The following CRISP2 variants were observed in gnomAD, a reference collection of about 807,000 sequenced individuals.
The protein encoded by CRISP2 is cysteine-rich secretory protein 2.
A neutral mutation model predicts 31.7 loss-of-function variants in CRISP2; 29 were observed. The observed-to-expected ratio is 0.92, with a 90% CI of 0.68 to 1.25. CRISP2 has a LOEUF of 1.25. Among genes scored for constraint, CRISP2 ranks in the 50% most tolerant of loss-of-function variants. The pLI is 0.00. For synonymous variants in CRISP2, 111 were observed against 101.4 expected (o/e 1.09, Z -0.57); for missense variants, 318 against 286.5 (o/e 1.11, Z -0.79).
intron 3 of CRISP2, among the ~76,000 whole-genome samples, chr6:49,711,004 G>A (rs687777): frequency 0.17 from 25,970 of 151,702 alleles, 2,826 homozygotes; most frequent in African/African-American, 0.32. Context: ...AATTAGCTGG[G>A]CATGGTGGCA....
At chr6:49,689,408 G>A (rs1029746840), downstream of CRISP2, among the ~76,000 whole-genome samples, 3 of 151,594 alleles carry the variant, frequency 2.0e-5, no homozygotes, top group Admixed American at 1.3e-4. Context: ...CTATAAAATG[G>A]CACTGAGTTA....
chr6:49,710,214 AT>A (rs1258546319), intron 3 of CRISP2, among the ~76,000 whole-genome samples: 1 of 152,166 alleles, frequency 6.6e-6, no homozygotes, highest in East Asian at 1.9e-4. Context: ...TTTATGCTCA[AT>A]TATGTGCAAA....
chr6:49,702,709 T>A (rs541506088), intron 4 of CRISP2, among the ~76,000 whole-genome samples: 1 of 152,166 alleles, frequency 6.6e-6, no homozygotes, highest in South Asian at 2.1e-4. Flanking sequence ...AGTCCTTAGT[T>A]GGATAACTAG....
intron 3 of CRISP2, among the ~76,000 whole-genome samples, chr6:49,710,587 T>G (rs1305794755): frequency 6.6e-6 from 1 of 152,194 alleles, no homozygotes; most frequent in East Asian, 1.9e-4. Context: ...ATATGCCAGC[T>G]TATACAATAT....
intron 9 of CRISP2, among the ~76,000 whole-genome samples, chr6:49,695,432 C>T (rs1000032616): frequency 2.6e-5 from 4 of 152,198 alleles, no homozygotes; most frequent in African/African-American, 4.8e-5. Context: ...TAATATTTGG[C>T]GTGCCTGTCT....
At chr6:49,710,734 T>G (rs7769994) in intron 3 of CRISP2, among the ~76,000 whole-genome samples, 61,992 of 152,018 alleles carry the variant, frequency 0.41, 13,260 homozygotes, top group Admixed American at 0.56. Flanking sequence ...TCAAATTTTT[T>G]TGTGTGTGTG....
chr6:49,698,587 G>C, intron 6 of CRISP2, 80 bp from the exon 7 acceptor site: 1 of 1,461,128 alleles, frequency 6.8e-7, no homozygotes, highest in Non-Finnish European at 9.2e-7. Flanking sequence ...CAAAGATGTT[G>C]CCTTTCAAAC....
At position 49,695,931 on chromosome 6, in the gene CRISP2, T is replaced by G; in HGVS notation, c.516-7A>C. 6.3e-7 allele frequency: 1 copy of G among 1,585,646 alleles called. No individual in the cohort carries two copies. Among genetic ancestry groups the G allele is most frequent in the Non-Finnish European group, 8.6e-7 (1 of 1,156,658 alleles). On this transcript the variant is annotated splice_region_variant and splice_polypyrimidine_tract_variant and intron_variant, in intron 8 of 9. Transcript: ENST00000339139. ...TCTATTCATATTATTACCACTGAAA[T>G]TTGAAATACATGTCAAATATTTTTC...
intron 8 of CRISP2, 113 bp downstream of exon 8, chr6:49,697,747 T>C (rs1765009724): frequency 6.3e-7 from 1 of 1,579,458 alleles, no homozygotes; most frequent in Non-Finnish European, 8.6e-7. Context: ...TCCAAACGTT[T>C]ATCCCCTCCC....
chr6:49,687,897 C>T (rs558036226), downstream of CRISP2, among the ~76,000 whole-genome samples: 6 of 152,280 alleles, frequency 3.9e-5, no homozygotes, highest in African/African-American at 1.4e-4. Context: ...TCCCCTGATG[C>T]AGCAGAGGCC....
chr6:49,686,743 C>T, the CRISP2 span, among the ~76,000 whole-genome samples: 2 of 152,176 alleles, frequency 1.3e-5, no homozygotes, highest in Admixed American at 1.3e-4. Context: ...ACTATAAAGA[C>T]ACATGCACAC....
At chr6:49,710,221 GC>G (rs1767769375) in intron 3 of CRISP2, among the ~76,000 whole-genome samples, 1 of 151,938 alleles carries the variant, frequency 6.6e-6, no homozygotes, top group Non-Finnish European at 1.5e-5. Context: ...TCAATTATGT[GC>G]AAAAAAGGGA....
intron 4 of CRISP2, among the ~76,000 whole-genome samples, chr6:49,701,775 G>T (rs1184233599): frequency 9.9e-6 from 1 of 100,622 alleles, no homozygotes; most frequent in African/African-American, 4.0e-5. Flanking sequence ...ATATATGTAT[G>T]CATTATATAT....
chr6:49,683,809 C>T, the CRISP2 span, among the ~76,000 whole-genome samples: 1 of 144,348 alleles, frequency 6.9e-6, no homozygotes, highest in East Asian at 2.0e-4. Context: ...TTAAATGTCA[C>T]ATTGTCAAAA....
intron 1 of CRISP2, 143 bp from the exon 2 acceptor site, chr6:49,712,747 AG>A (rs1768253743): frequency 6.6e-6 from 1 of 152,198 alleles, no homozygotes; most frequent in Admixed American, 6.5e-5. Context: ...ATTTGATTTC[AG>A]CGTTAAGACC....
Position 49,701,498 on chromosome 6 carries a change from GTGTATATATATATATATATA to G in CRISP2, c.67-734_67-715del, listed in dbSNP as rs1184306938. On this transcript the variant is annotated intron_variant, in intron 4 of 9. Transcript: ENST00000339139. ...TGAGCAGTATTACGTGTGTGTGTGTGTGTATATATATATATATATATATATATACACACACACACACACAC... is the reference window on the plus strand; with the variant it reads ...TGAGCAGTATTACGTGTGTGTGTGTGTATATATACACACACACACACACAC... Among the ~76,000 whole-genome samples the G allele has an allele frequency of 2.4e-4, 15 of 62,076 alleles. 1 individual carries two copies. The highest frequency in any genetic ancestry group is 2.3e-3 in the Admixed American group (13 of 5,532). 40.7% of individuals were successfully genotyped at this position (62,076 alleles called of 152,430 possible). A position where few individuals can be genotyped will look rare whatever the true frequency, so the allele number is the denominator to read the frequency against.
downstream of CRISP2, among the ~76,000 whole-genome samples, chr6:49,688,627 T>C (rs1177854448): frequency 6.6e-6 from 1 of 152,146 alleles, no homozygotes; most frequent in Non-Finnish European, 1.5e-5. Flanking sequence ...TGCCTCTAAA[T>C]TTTGTAGAAA....
At chr6:49,693,115 T>A (rs972235120) in intron 9 of CRISP2, among the ~76,000 whole-genome samples, 3 of 152,166 alleles carry the variant, frequency 2.0e-5, no homozygotes, top group African/African-American at 7.2e-5. Context: ...CAGGGACATA[T>A]GAGGTGTCTT....
Position 49,701,698 on chromosome 6 carries a change from CATTATGTATACATATATAATGT to C in CRISP2, c.67-936_67-915del, listed in dbSNP as rs1321705847. On this transcript the variant is annotated intron_variant, in intron 4 of 9. Coordinates refer to ENST00000339139, the MANE Select transcript of CRISP2 (RefSeq NM_003296.4). ...TATATGTATACATTATATATGTATA[CATTATGTATACATATATAATGT>C]ATATATAATGTATATATACACGGTA... is the stretch of plus-strand genomic sequence containing the variant. Among the ~76,000 whole-genome samples, 99 of 96,110 alleles carry C rather than the reference CATTATGTATACATATATAATGT, an allele frequency of 1.0e-3. 3 individuals carry two copies. Among genetic ancestry groups the C allele is most frequent in the African/African-American group, 4.9e-3 (98 of 20,172 alleles). The allele number at this position is 96,110 out of a possible 152,430, so 63.1% of individuals were successfully genotyped here.
Sources: gnomAD v4.1 joint callset for allele counts (sites outside exome capture counted in the v4.1 genomes callset) on GRCh38, gnomAD v4.1.1 for gene constraint, MANE v1.5 for transcripts, NCBI Gene and HGNC (gene_info 2026-07-23, HGNC 2026-07-21) for gene names.